Variants in KRT27 observed in about 807,000 individuals in gnomAD.
KRT27 encodes the protein keratin, type I cytoskeletal 27.
KRT27 carries 30 observed loss-of-function variants against 45.3 expected under a neutral mutation model. The observed-to-expected ratio is 0.66, with a 90% CI of 0.50 to 0.90. KRT27 has a LOEUF of 0.90. Among genes scored for constraint, KRT27 ranks in the 40% least tolerant of loss-of-function variants. The pLI, the probability that KRT27 is intolerant of heterozygous loss-of-function variation, is 0.00. For synonymous variants in KRT27, 204 were observed against 223.9 expected (o/e 0.91, Z 0.79); for missense variants, 610 against 564.3 (o/e 1.08, Z -0.82).
At position 40,782,033 on chromosome 17, in the gene KRT27, G is replaced by C; in HGVS notation, c.444+17C>G. On this transcript the variant is annotated intron_variant, in intron 1 of 7. Transcript: ENST00000301656. ...CACTCTCAGGAGTGCTAACACTCAC[G>C]CCATGGCGTTTCTTACCTGGTTCTT... is the stretch of plus-strand genomic sequence containing the variant. The C allele has an allele frequency of 6.3e-7, 1 of 1,598,014 alleles. No homozygotes were observed. The highest frequency in any genetic ancestry group is 8.5e-7 in the Non-Finnish European group (1 of 1,175,608).
chr17:40,782,343 C>T lies in KRT27; in HGVS notation c.151G>A (p.Gly51Ser). Residue 51 changes from glycine to serine, a missense_variant, in exon 1 of 8, where the codon GGC becomes AGC. Physicochemically the swap from Gly to Ser is moderately conservative, Grantham distance 56. Coordinates refer to ENST00000301656, the MANE Select transcript of KRT27 (RefSeq NM_181537.4). ...CCATAGCCTCCTGCAGATGAGCTGC[C>T]CCCAAAAGCACAAGAGAAGCCACTT... ...IGSGFSCAFGGSSSAGGYGGG... is the reference protein window; with the variant it reads ...IGSGFSCAFGSSSSAGGYGGG... 1 of 1,614,142 alleles carries T rather than the reference C, an allele frequency of 6.2e-7. No homozygotes were observed. The highest frequency in any genetic ancestry group is 2.2e-5 in the East Asian group (1 of 44,884).
rs1050668797 is a variant in KRT27 at position 40,780,547 on chromosome 17, G to A, written c.528-91C>T. On this transcript the variant is annotated intron_variant, in intron 2 of 7. Transcript: ENST00000301656. The stretch of plus-strand genomic sequence containing the variant: ...CATACAACTCAGACTAAGCTTTGAG[G>A]TAAAACTACTAAGATAATACTTAAA... 1.0e-5 allele frequency: 12 copies of A among 1,197,906 alleles called. No homozygotes were observed. The African/African-American group carries it at 1.2e-4, about 12-fold the overall frequency. 74.2% of individuals were successfully genotyped at this position (1,197,906 alleles called of 1,614,324 possible).
At chr17:40,777,814 G>A (rs572997610) in intron 5 of KRT27, 82 bp from the exon 6 acceptor site, 2 of 1,304,350 alleles carry the variant, frequency 1.5e-6, no homozygotes, top group East Asian at 2.3e-5. Flanking sequence ...ATAATTAAGA[G>A]AATTATCCTT....
At position 40,782,338 on chromosome 17, in the gene KRT27, G is replaced by A; in HGVS notation, c.156C>T (p.Ser52=). The change falls in exon 1 of 8, where the codon AGC becomes AGT. Residue 52 remains serine, a synonymous_variant. Coordinates refer to ENST00000301656, the MANE Select transcript of KRT27 (RefSeq NM_181537.4). ...GSGFSCAFGG[S]SSAGGYGGGL... ...CTCCGCCATAGCCTCCTGCAGATGA[G>A]CTGCCCCCAAAAGCACAAGAGAAGC... is the stretch of plus-strand genomic sequence containing the variant. 4.3e-6 allele frequency: 7 copies of A among 1,614,142 alleles called. No homozygotes were observed. Among genetic ancestry groups the A allele is most frequent in the Non-Finnish European group, 5.9e-6 (7 of 1,180,032 alleles).
Position 40,779,528 on chromosome 17 carries a change from T to G in KRT27, c.946A>C (p.Ile316Leu), listed in dbSNP as rs116274728. Residue 316 changes from isoleucine (I) to leucine (L), a missense_variant, in exon 5 of 8, where the codon ATT (isoleucine) becomes CTT (leucine). Coordinates refer to ENST00000301656, the MANE Select transcript of KRT27 (RefSeq NM_181537.4). The stretch of plus-strand genomic sequence containing the variant: ...GTTGCTAAGAGGGACTGAAGTTCAA[T>G]CTCAAGGGTTTGAAGAGTGCGTTTC... ...EMKRTLQTLE[I>L]ELQSLLATKH... The G allele has an allele frequency of 6.2e-7, 1 of 1,614,084 alleles. No homozygotes were observed. Among genetic ancestry groups the G allele is most frequent in the East Asian group, 2.2e-5 (1 of 44,884 alleles).
chr17:40,777,550 A>T lies in KRT27; in HGVS notation c.1155T>A (p.Ile385=). 1 of 1,613,936 alleles carries T rather than the reference A, an allele frequency of 6.2e-7. No individual in the cohort carries two copies. Among genetic ancestry groups the T allele is most frequent in the Admixed American group, 1.7e-5 (1 of 60,014 alleles). ...LDIKVHLEKE[I]ETYCLLIDGE... is the part of the protein sequence containing the mutation. ...CATCTATCAGGAGGCAGTAGGTCTC[A>T]ATTTCTTTTTCCAGGTGGACCTTGA... Residue 385 remains isoleucine (I), a synonymous_variant, in exon 6 of 8, where the codon ATT becomes ATA. Transcript: ENST00000301656.
In KRT27 at chr17:40,782,009, ACT is replaced by A. The variant is rs2038315878; in HGVS notation, c.444+39_444+40del. 3.2e-6 allele frequency: 5 copies of A among 1,546,758 alleles called. No individual in the cohort carries two copies. In the African/African-American group the frequency reaches 5.4e-5, roughly 17 times the overall value. On this transcript the variant is annotated intron_variant, in intron 1 of 7. Transcript: ENST00000301656. The stretch of plus-strand genomic sequence containing the variant: ...TTTGTGCATCTGTGAGTGGCTAAAC[ACT>A]CTCAGGAGTGCTAACACTCACGCCA...
At chr17:40,778,674 CAT>C (rs542833629) in intron 5 of KRT27, among the ~76,000 whole-genome samples, 103 of 152,324 alleles carry the variant, frequency 6.8e-4, no homozygotes, top group African/African-American at 2.3e-3. Context: ...TATCATTACA[CAT>C]GTTTAGTTTT....
In KRT27 at chr17:40,780,413, T is replaced by G. The variant is rs116593021; in HGVS notation, c.571A>C (p.Ile191Leu). ...TCCAGGACTCTTCGCAAACCATTGA[T>G]GTCCGCCTCCACGCTCTGGTGAAGC... ...LALHQSVEAD[I>L]NGLRRVLDEL... The change falls in exon 3 of 8, where the codon ATC (isoleucine) becomes CTC (leucine). Residue 191 changes from isoleucine to leucine, a missense_variant. Coordinates refer to ENST00000301656, the MANE Select transcript of KRT27 (RefSeq NM_181537.4). 3,176 of 1,613,904 alleles carry G rather than the reference T, an allele frequency of 2.0e-3. 72 individuals are homozygous for G. The African/African-American group carries it at 0.039, about 20-fold the overall frequency.
chr17:40,781,966 A>G, intron 1 of KRT27, 84 bp downstream of exon 1: 1 of 1,185,724 alleles, frequency 8.4e-7, no homozygotes, highest in Non-Finnish European at 1.2e-6. Flanking sequence ...AAGCCCTGTT[A>G]TTGTGATAGC....
intron 7 of KRT27, 27 bp from the exon 8 acceptor site, chr17:40,777,165 G>T: frequency 6.2e-7 from 1 of 1,610,974 alleles, no homozygotes; most frequent in South Asian, 1.1e-5. Flanking sequence ...AAACTGTTTA[G>T]AATTTATCAA....
rs2038300279 is a variant in KRT27 at position 40,780,324 on chromosome 17, A to T, written c.660T>A (p.Ala220=). ...IQLETLSEEL[A]YLKKNHEEEM... Reference sequence around the variant, plus strand: ...CCTCCTCATGATTCTTCTTGAGGTAAGCGAGCTCCTCACTGAGAGTTTCCA... The same window carrying T: ...CCTCCTCATGATTCTTCTTGAGGTATGCGAGCTCCTCACTGAGAGTTTCCA... The change falls in exon 3 of 8, where the codon GCT becomes GCA. Residue 220 remains alanine (A), a synonymous_variant. Transcript: ENST00000301656. 6.2e-7 allele frequency: 1 copy of T among 1,612,306 alleles called. No homozygotes were observed. The highest frequency in any genetic ancestry group is 1.3e-5 in the African/African-American group (1 of 74,882).
rs368841575 is a variant in KRT27 at position 40,779,706 on chromosome 17, G to A, written c.840C>T (p.Asn280=). Residue 280 remains asparagine (N), a synonymous_variant, in exon 4 of 8, where the codon AAC becomes AAT. Coordinates refer to ENST00000301656, the MANE Select transcript of KRT27 (RefSeq NM_181537.4). ...QNRRDAEAWF[N]EKSASLQQQI... ...CACCCAAGCGTGGTTTTACCTTTTC[G>A]TTGAACCAGGCCTCCGCGTCCCTGC... is the stretch of plus-strand genomic sequence containing the variant. 3.1e-6 allele frequency: 5 copies of A among 1,613,636 alleles called. No homozygotes were observed. The highest frequency in any genetic ancestry group is 4.2e-6 in the Non-Finnish European group (5 of 1,179,810).
At position 40,777,794 on chromosome 17, in the gene KRT27, C is replaced by T. The variant is rs966633273; in HGVS notation, c.973-62G>A. ...CACGGTGTTTTAGAATAAGCCAAAG[C>T]ATTTAAGAGATAATTAAGAGAATTA... On this transcript the variant is annotated intron_variant, in intron 5 of 7. Coordinates refer to ENST00000301656, the MANE Select transcript of KRT27 (RefSeq NM_181537.4). 7 of 1,483,278 alleles carry T rather than the reference C, an allele frequency of 4.7e-6. No individual in the cohort carries two copies. The Admixed American group carries it at 9.2e-5, about 19-fold the overall frequency. 91.9% of individuals were successfully genotyped at this position (1,483,278 alleles called of 1,614,324 possible). A position where few individuals can be genotyped will look rare whatever the true frequency, so the allele number is the denominator to read the frequency against.
Position 40,782,357 on chromosome 17 carries a change from G to C in KRT27, c.137C>G (p.Ser46Cys). ...CGVPGIGSGF[S>C]CAFGGSSSAG... ...AGATGAGCTGCCCCCAAAAGCACAA[G>C]AGAAGCCACTTCCAATGCCTGGCAC... Residue 46 changes from serine to cysteine, a missense_variant, in exon 1 of 8, where the codon TCT (serine) becomes TGT (cysteine). By Grantham distance (112) the Ser-to-Cys change is moderately radical. Transcript: ENST00000301656. 1 of 1,614,186 alleles carries C rather than the reference G, an allele frequency of 6.2e-7. No individual in the cohort carries two copies. Among genetic ancestry groups the C allele is most frequent in the Non-Finnish European group, 8.5e-7 (1 of 1,180,034 alleles).
At chr17:40,781,310 A>G (rs1201054010) in intron 1 of KRT27, 40 bp from the exon 2 acceptor site, 2 of 1,188,278 alleles carry the variant, frequency 1.7e-6, no homozygotes. Context: ...GGAAATATTT[A>G]AGATGCATTT....
chr17:40,777,900 T>A, intron 5 of KRT27, 168 bp from the exon 6 acceptor site: 1 of 718,964 alleles, frequency 1.4e-6, no homozygotes. Flanking sequence ...TTAAATGTCC[T>A]ACTACTTTTC....
chr17:40,776,901 T>C lies in KRT27; in HGVS notation c.*98A>G, dbSNP rs1246512286. 9.0e-7 allele frequency: 1 copy of C among 1,105,128 alleles called. No homozygotes were observed. Among genetic ancestry groups the C allele is most frequent in the East Asian group, 2.4e-5 (1 of 42,018 alleles). 68.5% of individuals were successfully genotyped at this position (1,105,128 alleles called of 1,614,324 possible). On this transcript the variant is annotated 3_prime_UTR_variant, in exon 8 of 8. Transcript: ENST00000301656. ...TCTAAAAATAACTTGTCTTAATTCA[T>C]TGGAAGAAAAGCAGAAAAATAAGGG... is the stretch of plus-strand genomic sequence containing the variant.
At chr17:40,779,669 C>G (rs1567680456) in intron 4 of KRT27, 31 bp downstream of exon 4, 5 of 1,613,104 alleles carry the variant, frequency 3.1e-6, no homozygotes, top group Non-Finnish European at 4.2e-6. Context: ...GGGCTGAGTC[C>G]GCGCCCGGGC....
Sources: allele counts gnomAD v4.1 joint callset (sites outside exome capture counted in the v4.1 genomes callset), GRCh38; gene constraint gnomAD v4.1.1; transcripts MANE v1.5; gene names NCBI Gene and HGNC (gene_info 2026-07-23, HGNC 2026-07-21).